The following BBC3 variants were observed in gnomAD, a reference collection of about 807,000 sequenced individuals.
The protein encoded by BBC3 is bcl-2-binding component 3.
In BBC3, 5 loss-of-function variants were observed where a neutral mutation model predicts 18.2. The observed-to-expected ratio is 0.27, with a 90% CI of 0.14 to 0.58. The LOEUF is 0.58. BBC3 is among the 20% of genes least tolerant of loss of function. The pLI is 0.91. For synonymous variants in BBC3, 119 were observed against 128.0 expected, an observed-to-expected ratio of 0.93 and a Z score of 0.47; for missense variants, 224 against 268.9, an observed-to-expected ratio of 0.83 and a Z score of 1.17.
At chr19:47,224,915 CT>C (rs539447877) in intron 3 of BBC3, among the ~76,000 whole-genome samples, 257 of 130,902 alleles carry the variant, frequency 2.0e-3, no homozygotes, top group Middle Eastern at 4.0e-3. Context: ...CTTTTTGTTT[CT>C]TTTTTTTTTT....
intron 3 of BBC3, among the ~76,000 whole-genome samples, chr19:47,223,556 G>C (rs1011929795): frequency 6.6e-6 from 1 of 152,076 alleles, no homozygotes; most frequent in Admixed American, 6.6e-5. Context: ...AACAGAGCAA[G>C]ACTCCGTGTC....
Position 47,228,327 on chromosome 19 carries a change from C to T in BBC3, c.105G>A (p.Val35=). Residue 35 remains valine (V), a synonymous_variant, in exon 2 of 4, where the codon GTG becomes GTA. Transcript: ENST00000439096. The surrounding 1 kb of genome is among the most constrained non-coding windows in gnomAD (Gnocchi z 5.5). Reference sequence around the variant, plus strand: ...GGCCGGGCTCGCAGAGGCCGCAGGACACTGCCGAGGGCACCAGGCGGCCGA... The same window carrying T: ...GGCCGGGCTCGCAGAGGCCGCAGGATACTGCCGAGGGCACCAGGCGGCCGA... ...FPLGRLVPSA[V]SCGLCEPGLA... 3 of 1,228,282 alleles carry T rather than the reference C, an allele frequency of 2.4e-6. No individual in the cohort carries two copies. Among genetic ancestry groups the T allele is most frequent in the Non-Finnish European group, 3.0e-6 (3 of 986,006 alleles). The allele number at this position is 1,228,282 out of a possible 1,614,324, so 76.1% of individuals were successfully genotyped here.
Position 47,230,819 on chromosome 19 carries a change from G to C in BBC3, c.-16+110C>G. On this transcript the variant is annotated intron_variant, in intron 1 of 3. Transcript: ENST00000439096. The surrounding 1 kb of genome is among the most constrained non-coding windows in gnomAD (Gnocchi z 6.7). ...GGGGTTTGGAGAGGCGCGGTGTGGG[G>C]AGGCAGGGCGCCCACACTGCTCTCC... 1 of 985,194 alleles carries C rather than the reference G, an allele frequency of 1.0e-6. No individual in the cohort carries two copies. The highest frequency in any genetic ancestry group is 1.2e-6 in the Non-Finnish European group (1 of 829,818). 61.0% of individuals were successfully genotyped at this position (985,194 alleles called of 1,614,324 possible). A position where few individuals can be genotyped will look rare whatever the true frequency, so the allele number is the denominator to read the frequency against.
chr19:47,224,552 G>A (rs2058788508), intron 3 of BBC3, among the ~76,000 whole-genome samples: 1 of 152,038 alleles, frequency 6.6e-6, no homozygotes, highest in African/African-American at 2.4e-5. Context: ...CTTAAACCCA[G>A]GAGTTGGAGG....
chr19:47,229,027 C>T (rs1255819256), intron 1 of BBC3, among the ~76,000 whole-genome samples: 6 of 152,014 alleles, frequency 3.9e-5, no homozygotes, highest in Admixed American at 3.3e-4. Context: ...GCAGGAGCAT[C>T]CAGACAGACC....
In BBC3 at chr19:47,226,537, G is replaced by A. The variant is rs2058825971; in HGVS notation, c.465+27C>T. 4.0e-6 allele frequency: 6 copies of A among 1,498,178 alleles called. No homozygotes were observed. In the South Asian group the frequency reaches 6.3e-5, roughly 16 times the overall value. 92.8% of individuals were successfully genotyped at this position (1,498,178 alleles called of 1,614,324 possible). A position where few individuals can be genotyped will look rare whatever the true frequency, so the allele number is the denominator to read the frequency against. ...CCCTCCTCCGGCGGAAGTCCCACCT[G>A]CCGTCTACCCCACCCCCAGCACTCA... On this transcript the variant is annotated intron_variant, in intron 3 of 3. Coordinates refer to ENST00000439096, the MANE Select transcript of BBC3 (RefSeq NM_014417.5).
chr19:47,222,963 CAAAA>C (rs763480070), intron 3 of BBC3, among the ~76,000 whole-genome samples: 3 of 60,470 alleles, frequency 5.0e-5, no homozygotes, highest in Admixed American at 2.0e-4. Context: ...AACTCTGTCT[CAAAA>C]AAAAAAAAAA....
intron 3 of BBC3, chr19:47,222,152 G>C: frequency 2.1e-6 from 1 of 472,050 alleles, no homozygotes; most frequent in Middle Eastern, 5.2e-4. Flanking sequence ...CACCAAGCGA[G>C]TGCGTGGCAC....
chr19:47,226,576 C>T lies in BBC3; in HGVS notation c.453G>A (p.Gln151=), dbSNP rs780014877. The change falls in exon 3 of 4, where the codon CAG becomes CAA. Residue 151 remains glutamine (Q), a synonymous_variant. Transcript: ENST00000439096. The part of the protein sequence containing the change: ...LRRMADDLNA[Q]YERRRQEEQQ... ...CCCCAGCACTCACCCGCCGCTCGTACTGTGCGTTGAGGTCGTCCGCCATCC... is the reference window on the plus strand; with the variant it reads ...CCCCAGCACTCACCCGCCGCTCGTATTGTGCGTTGAGGTCGTCCGCCATCC... 2 of 1,577,224 alleles carry T rather than the reference C, an allele frequency of 1.3e-6. No homozygotes were observed. Among genetic ancestry groups the T allele is most frequent in the Non-Finnish European group, 8.6e-7 (1 of 1,164,092 alleles).
rs374125711 is a variant in BBC3, at chr19:47,226,625, C to A, written c.404G>T (p.Arg135Leu). Residue 135 changes from arginine (R) to leucine (L), a missense_variant, in exon 3 of 4, where the codon CGG becomes CTG. By Grantham distance (102) the Arg-to-Leu change is moderately radical. Transcript: ENST00000439096. ...CCGCCGCAGCTGGGCCCCGATCTCC[C>A]GGGCCCACTGTTCCTCCTCCCCGCG... ...GVRGEEEQWA[R>L]EIGAQLRRMA... is the part of the protein sequence containing the mutation. The A allele has an allele frequency of 1.3e-6, 2 of 1,570,932 alleles. No individual in the cohort carries two copies. The highest frequency in any genetic ancestry group is 2.5e-5 in the East Asian group (1 of 40,236).
intron 3 of BBC3, among the ~76,000 whole-genome samples, chr19:47,226,278 C>T (rs974675646): frequency 1.3e-5 from 2 of 151,922 alleles, no homozygotes; most frequent in South Asian, 2.1e-4. Context: ...GCCCTCAGTC[C>T]CCGCGGCCGC....
intron 3 of BBC3, among the ~76,000 whole-genome samples, chr19:47,224,061 G>A (rs1018049182): frequency 6.6e-6 from 1 of 152,094 alleles, no homozygotes; most frequent in African/African-American, 2.4e-5. Flanking sequence ...TTGGGAGGCC[G>A]AGGTGGGTGG....
In BBC3 at chr19:47,228,567, G is replaced by T. The variant is rs557397754; in HGVS notation, c.-15-121C>A. 227 of 1,016,054 alleles carry T rather than the reference G, an allele frequency of 2.2e-4. No individual in the cohort carries two copies. Among genetic ancestry groups the T allele is most frequent in the Middle Eastern group, 1.8e-3 (5 of 2,788 alleles). 62.9% of individuals were successfully genotyped at this position (1,016,054 alleles called of 1,614,324 possible). ...TGGAGGTGTGTGTGCATGCGGAGGG[G>T]GTGACGGCCCCACAGAGACACGCCC... On this transcript the variant is annotated intron_variant, in intron 1 of 3. Coordinates refer to ENST00000439096, the MANE Select transcript of BBC3 (RefSeq NM_014417.5). This position sits in a 1 kb window ranked among gnomAD's most constrained non-coding sequence, Gnocchi z 5.5.
chr19:47,222,095 C>A (rs947959124), intron 3 of BBC3, 177 bp from the exon 4 acceptor site: 2 of 566,020 alleles, frequency 3.5e-6, no homozygotes, highest in Non-Finnish European at 6.0e-6. Flanking sequence ...GGACATGAGA[C>A]CTGGAGGCAG....
rs1278025556 is a variant in BBC3, at chr19:47,226,167, T to C, written c.465+397A>G. 2.6e-5 allele frequency among the ~76,000 whole-genome samples: 4 copies of C among 151,544 alleles called. 1 individual carries two copies. The highest frequency in any genetic ancestry group is 9.7e-5 in the African/African-American group (4 of 41,282). On this transcript the variant is annotated intron_variant, in intron 3 of 3. Transcript: ENST00000439096. Reference sequence around the variant, plus strand: ...CGGCGCCCGGGAAACTGTGTGGCGCTGCGGGCCGCGCGAGAGGGACGGCAG... The same window carrying C: ...CGGCGCCCGGGAAACTGTGTGGCGCCGCGGGCCGCGCGAGAGGGACGGCAG...
intron 1 of BBC3, among the ~76,000 whole-genome samples, chr19:47,229,621 A>G (rs999622616): frequency 2.7e-5 from 4 of 150,606 alleles, no homozygotes; most frequent in African/African-American, 9.8e-5. Context: ...GAGCCAGCCG[A>G]TCACAGTGAC....
At chr19:47,224,737 T>C (rs910212746) in intron 3 of BBC3, among the ~76,000 whole-genome samples, 3 of 151,438 alleles carry the variant, frequency 2.0e-5, no homozygotes, top group African/African-American at 7.3e-5. Flanking sequence ...GACTTTTTTT[T>C]TTTTTTTTTT....
In BBC3 at chr19:47,223,970, G is replaced by A. The variant is rs185903840; in HGVS notation, c.466-2052C>T. Among the ~76,000 whole-genome samples the A allele has an allele frequency of 1.4e-4, 22 of 152,232 alleles. No individual in the cohort carries two copies. The East Asian group carries it at 3.5e-3, about 24-fold the overall frequency. On this transcript the variant is annotated intron_variant, in intron 3 of 3. Transcript: ENST00000439096. ...ACTCTAGAAACACAAGAGCGCACCC[G>A]GAAATATGCATGATTGGGAGAGGAA...
chr19:47,225,531 A>AT (rs2058804173), intron 3 of BBC3, among the ~76,000 whole-genome samples: 1 of 151,594 alleles, frequency 6.6e-6, no homozygotes, highest in Non-Finnish European at 1.5e-5. Flanking sequence ...TAATTTTTGT[A>AT]TTTTTTGTAG....
Sources: allele counts gnomAD v4.1 joint callset (sites outside exome capture counted in the v4.1 genomes callset), GRCh38; gene constraint gnomAD v4.1.1; non-coding constraint Gnocchi (gnomAD v3.1); transcripts MANE v1.5; gene names NCBI Gene and HGNC (gene_info 2026-07-23, HGNC 2026-07-21).